TTC27: variants seen among roughly 807,000 people sequenced by gnomAD.
The protein encoded by TTC27 is tetratricopeptide repeat domain 27, also known as tetratricopeptide repeat protein 27.
In TTC27, 79 loss-of-function variants were observed where a neutral mutation model predicts 115.9. That is an observed-to-expected ratio of 0.68 (90% CI 0.57 to 0.82). The LOEUF (loss-of-function observed/expected upper bound fraction) is 0.82, where lower values mean the gene tolerates loss of function less well. Among genes scored for constraint, TTC27 ranks in the 40% least tolerant of loss-of-function variants. The pLI, the probability that TTC27 is intolerant of heterozygous loss-of-function variation, is 0.00. For missense variants in TTC27, 1,054 were observed against 993.1 expected, an observed-to-expected ratio of 1.06 and a Z score of -0.82; for synonymous variants, 401 against 356.0, an observed-to-expected ratio of 1.13 and a Z score of -1.42.
intron 12 of TTC27, among the ~76,000 whole-genome samples, chr2:32,741,893 A>G (rs1242868692): frequency 3.9e-5 from 6 of 152,158 alleles, no homozygotes; most frequent in Non-Finnish European, 8.8e-5. Context: ...AAAACAAATT[A>G]TGAGATTCCC....
At chr2:32,643,257 T>A (rs1664724198) in intron 4 of TTC27, among the ~76,000 whole-genome samples, 1 of 152,090 alleles carries the variant, frequency 6.6e-6, no homozygotes, top group South Asian at 2.1e-4. Flanking sequence ...TTGATCTGAG[T>A]TAAATGGTCT....
chr2:32,630,457 G>C, intron 1 of TTC27, 66 bp from the exon 2 acceptor site: 1 of 1,271,488 alleles, frequency 7.9e-7, no homozygotes. Context: ...TTACCTAATA[G>C]TGTTATCCTT....
intron 12 of TTC27, among the ~76,000 whole-genome samples, chr2:32,749,937 C>T (rs1314427837): frequency 6.6e-6 from 1 of 152,070 alleles, no homozygotes; most frequent in East Asian, 1.9e-4. Flanking sequence ...ATCACTTAGG[C>T]CTGTTTTATG....
At chr2:32,667,716 G>T (rs1340744367) in intron 7 of TTC27, among the ~76,000 whole-genome samples, 1 of 150,168 alleles carries the variant, frequency 6.7e-6, no homozygotes, top group African/African-American at 2.4e-5. Flanking sequence ...ACACCTGGCT[G>T]TGTTTGTTGT....
intron 12 of TTC27, among the ~76,000 whole-genome samples, chr2:32,746,582 A>AAAAAAAAAAAAT (rs56007091): frequency 1.3e-5 from 2 of 150,940 alleles, no homozygotes; most frequent in East Asian, 1.9e-4. Context: ...AAAAAAAAAA[A>AAAAAAAAAAAAT]GAATGCACAT....
intron 4 of TTC27, among the ~76,000 whole-genome samples, chr2:32,643,018 G>C (rs1056082155): frequency 6.6e-6 from 1 of 152,114 alleles, no homozygotes; most frequent in Non-Finnish European, 1.5e-5. Flanking sequence ...CGCCCAGGCT[G>C]GAGTACAGTG....
chr2:32,748,525 T>A (rs925956637), intron 12 of TTC27, among the ~76,000 whole-genome samples: 5 of 152,208 alleles, frequency 3.3e-5, no homozygotes, highest in Admixed American at 2.6e-4. Flanking sequence ...GGTATTGACA[T>A]CTCCAAATAT....
chr2:32,663,238 A>C (rs2151878346), intron 5 of TTC27, among the ~76,000 whole-genome samples: 1 of 152,296 alleles, frequency 6.6e-6, no homozygotes, highest in Non-Finnish European at 1.5e-5. Context: ...AAACTTCTGC[A>C]GCTAGCTTTG....
At position 32,682,020 on chromosome 2, in the gene TTC27, GTGTGTGTA is replaced by G. The variant is rs1251804630; in HGVS notation, c.1119+3102_1119+3109del. ...TGTGTGTGTGTGTGTGTGTGTGTGTGTGTGTGTATGTCTTTTCCTTACAAGACTATAAA... is the reference window on the plus strand; with the variant it reads ...TGTGTGTGTGTGTGTGTGTGTGTGTGTGTCTTTTCCTTACAAGACTATAAA... On this transcript the variant is annotated intron_variant, in intron 9 of 19. Transcript: ENST00000317907. Among the ~76,000 whole-genome samples the G allele has an allele frequency of 2.6e-3, 332 of 129,128 alleles. 3 individuals carry two copies. Among genetic ancestry groups the G allele is most frequent in the African/African-American group, 9.6e-3 (316 of 33,020 alleles). The allele number at this position is 129,128 out of a possible 152,430, so 84.7% of individuals were successfully genotyped here.
At chr2:32,649,906 TA>T (rs369217238) in intron 4 of TTC27, among the ~76,000 whole-genome samples, 8 of 148,302 alleles carry the variant, frequency 5.4e-5, no homozygotes, top group Admixed American at 1.4e-4. Context: ...TCCAAGTGGC[TA>T]AAAAAAAAAT....
chr2:32,680,450 A>G (rs1355579251), intron 9 of TTC27, among the ~76,000 whole-genome samples: 1 of 152,128 alleles, frequency 6.6e-6, no homozygotes, highest in African/African-American at 2.4e-5. Flanking sequence ...ATTTCACAGA[A>G]GTGCTGAGGA....
intron 9 of TTC27, among the ~76,000 whole-genome samples, chr2:32,679,809 T>C (rs1174800147): frequency 6.6e-6 from 1 of 152,086 alleles, no homozygotes; most frequent in Non-Finnish European, 1.5e-5. Flanking sequence ...CTGGCCGACA[T>C]GATGAAACCC....
chr2:32,819,725 C>T (rs1207220017), intron 19 of TTC27, among the ~76,000 whole-genome samples: 1 of 152,138 alleles, frequency 6.6e-6, no homozygotes, highest in Non-Finnish European at 1.5e-5. Context: ...TGTCCTTGTA[C>T]AGGTTTGCTG....
intron 14 of TTC27, 56 bp downstream of exon 14, chr2:32,778,036 A>G (rs1670056963): frequency 3.9e-6 from 6 of 1,553,860 alleles, no homozygotes; most frequent in Non-Finnish European, 4.4e-6. Context: ...AAGTTGTTGA[A>G]ATTGTACTGT....
At chr2:32,683,156 A>G (rs1666500880) in intron 9 of TTC27, among the ~76,000 whole-genome samples, 1 of 151,806 alleles carries the variant, frequency 6.6e-6, no homozygotes, top group Non-Finnish European at 1.5e-5. Flanking sequence ...CACCAGGCCA[A>G]TTTTTGTATT....
In TTC27 at chr2:32,640,331, G is replaced by A; in HGVS notation, c.458G>A (p.Ser153Asn). The A allele has an allele frequency of 6.2e-7, 1 of 1,614,046 alleles. No individual in the cohort carries two copies. The highest frequency in any genetic ancestry group is 8.5e-7 in the Non-Finnish European group (1 of 1,179,998). The change falls in exon 4 of 20, where the codon AGC becomes AAC. Residue 153 changes from serine (S) to asparagine (N), a missense_variant. Physicochemically the swap from Ser to Asn is conservative, Grantham distance 46. Transcript: ENST00000317907. ...LLTLDGESIY[S>N]LTSKPILLLL... ...ACTCTAGATGGTGAATCAATCTACA[G>A]CCTGACCTCGAAGCCTATACTACTG...
chr2:32,684,126 C>T (rs954417454), intron 9 of TTC27, among the ~76,000 whole-genome samples: 4 of 152,194 alleles, frequency 2.6e-5, no homozygotes, highest in Non-Finnish European at 5.9e-5. Context: ...CCACTGCACC[C>T]CAGGCTGCAC....
intron 4 of TTC27, among the ~76,000 whole-genome samples, chr2:32,644,265 T>G (rs943595258): frequency 1.7e-4 from 25 of 151,166 alleles, no homozygotes; most frequent in African/African-American, 5.6e-4. Context: ...GGCAGGAATA[T>G]TGCTTGAACA....
At chr2:32,769,774 G>A (rs1005216968) in intron 13 of TTC27, among the ~76,000 whole-genome samples, 5 of 152,214 alleles carry the variant, frequency 3.3e-5, no homozygotes, top group African/African-American at 9.6e-5. Context: ...AAGCTCTTAT[G>A]TAAGTATGAA....
Sources: gnomAD v4.1 joint callset for allele counts (sites outside exome capture counted in the v4.1 genomes callset) on GRCh38, gnomAD v4.1.1 for gene constraint, MANE v1.5 for transcripts, NCBI Gene and HGNC (gene_info 2026-07-23, HGNC 2026-07-21) for gene names.